Variants in RIN2 observed in about 807,000 individuals in gnomAD.
RIN2 encodes the protein RAB5 interacting protein 2.
A neutral mutation model predicts 78.0 loss-of-function variants in RIN2; 36 were observed. The ratio of observed to expected loss-of-function variants is 0.46; its 90% CI spans 0.35 to 0.61. The LOEUF is 0.61. Ranked by LOEUF, RIN2 falls within the 20% of genes least tolerant of loss-of-function variation. The pLI is 0.00. For missense variants in RIN2, 1,087 were observed against 1,159.7 expected (o/e 0.94, Z 0.91); for synonymous variants, 466 against 466.8 (o/e 1.00, Z 0.02).
intron 11 of RIN2, 118 bp downstream of exon 11, chr20:19,992,417 A>G: frequency 1.0e-6 from 1 of 962,404 alleles, no homozygotes; most frequent in Non-Finnish European, 1.5e-6. Context: ...ATTCAGTGGC[A>G]TTTAGTATAT....
At chr20:19,792,908 G>A (rs555075279) in intron 1 of RIN2, among the ~76,000 whole-genome samples, 107 of 151,988 alleles carry the variant, frequency 7.0e-4, no homozygotes, top group Non-Finnish European at 1.0e-3. Flanking sequence ...AGATGGCTGC[G>A]GAGGGCAAGG....
chr20:19,823,493 T>C (rs1237806379), intron 2 of RIN2: 69 of 866,258 alleles, frequency 8.0e-5, no homozygotes, highest in Non-Finnish European at 1.2e-5. Flanking sequence ...TCATCTATGA[T>C]GTCATGAGGG....
chr20:19,822,437 G>T (rs1317840986), intron 2 of RIN2, among the ~76,000 whole-genome samples: 1 of 152,158 alleles, frequency 6.6e-6, no homozygotes, highest in African/African-American at 2.4e-5. Flanking sequence ...AGAGACTCAG[G>T]AAGTAAGGAG....
At chr20:19,777,424 T>G (rs1251116807) in intron 1 of RIN2, among the ~76,000 whole-genome samples, 3 of 152,248 alleles carry the variant, frequency 2.0e-5, no homozygotes, top group African/African-American at 7.2e-5. Context: ...AGCTCTGCAT[T>G]CTTCCACATT....
At chr20:19,854,241 C>G (rs1325468106) in intron 2 of RIN2, among the ~76,000 whole-genome samples, 2 of 152,108 alleles carry the variant, frequency 1.3e-5, no homozygotes, top group Admixed American at 1.3e-4. Flanking sequence ...TGGTCTATAT[C>G]TCTGTTTTGG....
chr20:19,841,360 A>C (rs2036571020), intron 2 of RIN2, among the ~76,000 whole-genome samples: 2 of 152,002 alleles, frequency 1.3e-5, no homozygotes, highest in South Asian at 4.2e-4. Context: ...TTGTTCTTTC[A>C]GTTCTATTGA....
At chr20:19,996,228 C>T (rs1212896731) in intron 11 of RIN2, among the ~76,000 whole-genome samples, 1 of 152,144 alleles carries the variant, frequency 6.6e-6, no homozygotes, top group Non-Finnish European at 1.5e-5. Flanking sequence ...GTGGGAGCGT[C>T]GCTTGAACCT....
chr20:19,989,872 G>T (rs2042739667), intron 9 of RIN2, 134 bp from the exon 10 acceptor site: 1 of 836,616 alleles, frequency 1.2e-6, no homozygotes, highest in Admixed American at 3.2e-5. Flanking sequence ...TTGTCTGTTG[G>T]TTGGATGTTA....
intron 4 of RIN2, among the ~76,000 whole-genome samples, chr20:19,956,190 G>A (rs963672324): frequency 9.4e-5 from 14 of 149,626 alleles, no homozygotes; most frequent in African/African-American, 3.0e-4. Context: ...CCCAGGAGAC[G>A]GAGGTTGCAG....
chr20:19,876,007 C>T (rs2123401758), intron 2 of RIN2, among the ~76,000 whole-genome samples: 1 of 152,256 alleles, frequency 6.6e-6, no homozygotes, highest in East Asian at 1.9e-4. Context: ...GGCTTTGAGC[C>T]TGGGGTTGTC....
rs761997177 is a variant in RIN2, at chr20:19,975,539, G to C, written c.1514G>C (p.Ser505Thr). 3 of 1,613,920 alleles carry C rather than the reference G, an allele frequency of 1.9e-6. No homozygotes were observed. The highest frequency in any genetic ancestry group is 1.1e-5 in the South Asian group (1 of 91,086). The change falls in exon 9 of 13, where the codon AGC (serine) becomes ACC (threonine). Residue 505 changes from serine to threonine, a missense_variant. By Grantham distance (58) the Ser-to-Thr change is moderately conservative (BLOSUM62 1). Coordinates refer to ENST00000255006, the MANE Select transcript of RIN2 (RefSeq NM_018993.4). The surrounding 1 kb of genome is among the most constrained non-coding windows in gnomAD (Gnocchi z 4.9). ...SQLQKVSGVF[S>T]SFMTPEKRMV... ...CTGCAGAAGGTGAGCGGGGTGTTCA[G>C]CTCCTTCATGACCCCGGAGAAGCGG...
chr20:19,903,934 C>T (rs1431447237), intron 3 of RIN2, among the ~76,000 whole-genome samples: 2 of 152,088 alleles, frequency 1.3e-5, no homozygotes, highest in African/African-American at 4.8e-5. Flanking sequence ...AGTACCTGGC[C>T]GGTAATTGCA....
At chr20:19,982,238 G>A (rs1204529509) in intron 9 of RIN2, among the ~76,000 whole-genome samples, 2 of 152,164 alleles carry the variant, frequency 1.3e-5, no homozygotes, top group African/African-American at 2.4e-5. Flanking sequence ...AACCACCCCG[G>A]GAAGCTGTGC....
rs1298685301 is a variant in RIN2 at position 19,882,409 on chromosome 20, T to C, written c.-36-7157T>C. Among the ~76,000 whole-genome samples, 3 of 152,162 alleles carry C rather than the reference T, an allele frequency of 2.0e-5. No homozygotes were observed. The East Asian group carries it at 5.8e-4, about 29-fold the overall frequency. On this transcript the variant is annotated intron_variant, in intron 2 of 12. Coordinates refer to ENST00000255006, the MANE Select transcript of RIN2 (RefSeq NM_018993.4). ...AAAATTAAAATTAAATGAATAGCTATATGAAAAAACTGTCATACCACACAC... is the reference window on the plus strand; with the variant it reads ...AAAATTAAAATTAAATGAATAGCTACATGAAAAAACTGTCATACCACACAC...
intron 3 of RIN2, among the ~76,000 whole-genome samples, chr20:19,908,347 C>T (rs1336204089): frequency 3.3e-5 from 5 of 151,980 alleles, no homozygotes; most frequent in Admixed American, 6.6e-5. Flanking sequence ...AAAAATTAGC[C>T]GGACGTGGTG....
rs767360912 is a variant in RIN2, at chr20:19,970,872, G to T, written c.571G>T (p.Ala191Ser). ...VLPFTLKLPY[A>S]ISTAKSEAQL... Reference sequence around the variant, plus strand: ...ACCATTTACCTTGAAGTTGCCTTATGCCATTTCAACAGCCAAGTCGGAGGC... The same window carrying T: ...ACCATTTACCTTGAAGTTGCCTTATTCCATTTCAACAGCCAAGTCGGAGGC... The change falls in exon 8 of 13, where the codon GCC becomes TCC. Residue 191 changes from alanine to serine, a missense_variant. This residue lies in a region of RIN2 where 706 missense variants were observed against 667.5 expected (regional missense o/e 1.06). Transcript: ENST00000255006. The T allele has an allele frequency of 6.2e-7, 1 of 1,613,662 alleles. No homozygotes were observed. Among genetic ancestry groups the T allele is most frequent in the Admixed American group, 1.7e-5 (1 of 59,992 alleles).
At chr20:19,808,771 G>A (rs1340463587) in intron 2 of RIN2, among the ~76,000 whole-genome samples, 1 of 152,226 alleles carries the variant, frequency 6.6e-6, no homozygotes, top group Non-Finnish European at 1.5e-5. Flanking sequence ...GCCCCCTGGG[G>A]GTGGCATTGC....
chr20:19,861,517 T>A (rs951397951), intron 2 of RIN2, among the ~76,000 whole-genome samples: 1 of 152,158 alleles, frequency 6.6e-6, no homozygotes, highest in Admixed American at 6.5e-5. Flanking sequence ...TCACCCTCCA[T>A]ATCTGATCAC....
intron 7 of RIN2, among the ~76,000 whole-genome samples, chr20:19,970,026 C>G (rs1166581399): frequency 6.6e-6 from 1 of 152,228 alleles, no homozygotes; most frequent in Admixed American, 6.5e-5. Context: ...TGGCTGGGCT[C>G]TCTCCTGTTG....
Sources: gnomAD v4.1 joint callset for allele counts (sites outside exome capture counted in the v4.1 genomes callset) on GRCh38, gnomAD v4.1.1 for gene constraint, gnomAD v4.1.1 regional missense constraint, Gnocchi (gnomAD v3.1) non-coding constraint, MANE v1.5 for transcripts, NCBI Gene and HGNC (gene_info 2026-07-23, HGNC 2026-07-21) for gene names.